The following PLCXD1 variants were observed in gnomAD, a reference collection of about 807,000 sequenced individuals.
The protein encoded by PLCXD1 is phosphatidylinositol specific phospholipase C X domain containing 1, also known as PI-PLC X domain-containing protein 1.
Under a neutral mutation model 37.8 loss-of-function variants are expected in PLCXD1, and 45 were observed. The ratio of observed to expected loss-of-function variants is 1.19; its 90% CI spans 0.94 to 1.53. The LOEUF (loss-of-function observed/expected upper bound fraction) is 1.53, where lower values mean the gene tolerates loss of function less well. Ranked by LOEUF, PLCXD1 falls within the 40% of genes most tolerant of loss-of-function variation. PLCXD1 has a pLI of 0.00. For synonymous variants in PLCXD1, 246 were observed against 206.9 expected, an observed-to-expected ratio of 1.19 and a Z score of -1.62; for missense variants, 539 against 454.7, an observed-to-expected ratio of 1.19 and a Z score of -1.69.
At chrX:296,456 T>C (rs2069811454) in intron 6 of PLCXD1, among the ~76,000 whole-genome samples, 1 of 152,142 alleles carries the variant, frequency 6.6e-6, no homozygotes, top group Non-Finnish European at 1.5e-5. Context: ...TGAGAGAACT[T>C]GGCCATAAAC....
chrX:288,618 T>C, intron 2 of PLCXD1, 115 bp from the exon 3 acceptor site: 1 of 1,119,386 alleles, frequency 8.9e-7, no homozygotes, highest in Admixed American at 1.7e-5. Context: ...GCCATACCTG[T>C]GCCTGTGCTG....
chrX:296,929 T>TCCCAC (rs2069832805), intron 6 of PLCXD1, among the ~76,000 whole-genome samples: 2 of 75,526 alleles, frequency 2.6e-5, no homozygotes, highest in African/African-American at 6.1e-5. Context: ...TTATTCTGTC[T>TCCCAC]ATCACATGGG....
At chrX:284,865 C>T (rs1239727280) in intron 2 of PLCXD1, among the ~76,000 whole-genome samples, 1 of 152,160 alleles carries the variant, frequency 6.6e-6, no homozygotes, top group African/African-American at 2.4e-5. Flanking sequence ...GCCAACAGAG[C>T]GTGTGCTGGA....
chrX:290,192 C>T (rs1041666369), intron 3 of PLCXD1, among the ~76,000 whole-genome samples: 15 of 152,094 alleles, frequency 9.9e-5, no homozygotes, highest in African/African-American at 3.4e-4. Flanking sequence ...CTTTGGGAGG[C>T]CAAGGTGGGT....
chrX:289,777 C>T (rs2069571177), intron 3 of PLCXD1, among the ~76,000 whole-genome samples: 1 of 151,896 alleles, frequency 6.6e-6, no homozygotes, highest in Non-Finnish European at 1.5e-5. Context: ...TCCCAAAGTG[C>T]TGGGATTACA....
In PLCXD1 at chrX:291,566, GA is replaced by G. The variant is rs777233750; in HGVS notation, c.464del (p.Asn155ThrfsTer5). 1 of 1,613,202 alleles carries G rather than the reference GA, an allele frequency of 6.2e-7. No individual in the cohort carries two copies. Among genetic ancestry groups the G allele is most frequent in the Non-Finnish European group, 8.5e-7 (1 of 1,179,862 alleles). ...CGCGAGGTGGTCATCCTGGCCTGCAGAAACTTCGAGGGGCTGAGCGAGGACC... is the reference window on the plus strand; with the variant it reads ...CGCGAGGTGGTCATCCTGGCCTGCAGAACTTCGAGGGGCTGAGCGAGGACC... ...HPREVVILAC[R>X]NFEGLSEDLH... On this transcript the variant is annotated frameshift_variant, in exon 5 of 7. Transcript: ENST00000381657. LOFTEE classifies it high-confidence loss of function.
intron 2 of PLCXD1, among the ~76,000 whole-genome samples, chrX:285,831 A>G (rs2069437907): frequency 6.6e-6 from 1 of 152,174 alleles, no homozygotes; most frequent in Non-Finnish European, 1.5e-5. Context: ...GGTTTCCTTG[A>G]GCCACATTTG....
chrX:292,599 C>T (rs1569564640), intron 5 of PLCXD1, among the ~76,000 whole-genome samples: 1 of 151,976 alleles, frequency 6.6e-6, no homozygotes, highest in Non-Finnish European at 1.5e-5. Flanking sequence ...TGAGCCCCTG[C>T]ACCTGGCCAT....
intron 6 of PLCXD1, among the ~76,000 whole-genome samples, chrX:293,961 A>G (rs900566869): frequency 9.8e-5 from 15 of 152,306 alleles, no homozygotes; most frequent in Middle Eastern, 3.4e-3. Flanking sequence ...TCGGAGTTGC[A>G]CAACGTGAAT....
intron 6 of PLCXD1, among the ~76,000 whole-genome samples, chrX:295,883 C>G (rs770625659): frequency 5.9e-5 from 9 of 151,900 alleles, no homozygotes; most frequent in Admixed American, 2.6e-4. Flanking sequence ...TCTTGTTGCC[C>G]AGGCTAGAGT....
rs201650548 is a variant in PLCXD1 at position 299,244 on chromosome X, G to A, written c.881G>A (p.Arg294Gln). The A allele has an allele frequency of 1.8e-4, 293 of 1,613,756 alleles. No individual in the cohort carries two copies. The highest frequency in any genetic ancestry group is 3.0e-4 in the South Asian group (27 of 91,072). Residue 294 changes from arginine to glutamine, a missense_variant, in exon 7 of 7, where the codon CGG becomes CAG. By Grantham distance (43) the Arg-to-Gln change is conservative. Coordinates refer to ENST00000381657, the MANE Select transcript of PLCXD1 (RefSeq NM_018390.4). ...VREQCPGPGSRCTNIIAGDFI... is the reference protein window; with the variant it reads ...VREQCPGPGSQCTNIIAGDFI... ...GAGCAGTGCCCGGGGCCGGGTTCACGGTGCACCAACATCATCGCGGGGGAC... is the reference window on the plus strand; with the variant it reads ...GAGCAGTGCCCGGGGCCGGGTTCACAGTGCACCAACATCATCGCGGGGGAC...
At position 285,485 on chromosome X, in the gene PLCXD1, C is replaced by T. The variant is rs1306374574; in HGVS notation, c.127+1171C>T. 4.6e-5 allele frequency among the ~76,000 whole-genome samples: 7 copies of T among 152,248 alleles called. No homozygotes were observed. The South Asian group carries it at 8.3e-4, about 18-fold the overall frequency. On this transcript the variant is annotated intron_variant, in intron 2 of 6. Coordinates refer to ENST00000381657, the MANE Select transcript of PLCXD1 (RefSeq NM_018390.4). ...ACACATAAACATTTGCACCTATGCA[C>T]GCAGAGACACGTCTATGCAATGCAT...
In PLCXD1 at chrX:299,261, G is replaced by A. The variant is rs751044678; in HGVS notation, c.898G>A (p.Ala300Thr). The change falls in exon 7 of 7, where the codon GCG becomes ACG. Residue 300 changes from alanine to threonine, a missense_variant. Coordinates refer to ENST00000381657, the MANE Select transcript of PLCXD1 (RefSeq NM_018390.4). ...GPGSRCTNII[A>T]GDFIGADGFV... Reference sequence around the variant, plus strand: ...GGGTTCACGGTGCACCAACATCATCGCGGGGGACTTCATCGGCGCAGACGG... The same window carrying A: ...GGGTTCACGGTGCACCAACATCATCACGGGGGACTTCATCGGCGCAGACGG... The A allele has an allele frequency of 1.9e-6, 3 of 1,613,898 alleles. No homozygotes were observed. Among genetic ancestry groups the A allele is most frequent in the African/African-American group, 2.7e-5 (2 of 75,042 alleles).
At chrX:292,386 G>T (rs376170796) in intron 5 of PLCXD1, among the ~76,000 whole-genome samples, 2 of 152,166 alleles carry the variant, frequency 1.3e-5, no homozygotes, top group Admixed American at 6.5e-5. Context: ...GTGAACCCGG[G>T]GGGTGGAGGT....
In PLCXD1 at chrX:284,234, G is replaced by A. The variant is rs369076706; in HGVS notation, c.47G>A (p.Cys16Tyr). 6 of 1,613,448 alleles carry A rather than the reference G, an allele frequency of 3.7e-6. No individual in the cohort carries two copies. The East Asian group carries it at 6.7e-5, about 18-fold the overall frequency. ...SASNSFSRLH[C>Y]RNANEDWMSA... ...TCCAACAGCTTCTCGAGGCTGCACTGCAGAAATGCCAACGAGGACTGGATG... is the reference window on the plus strand; with the variant it reads ...TCCAACAGCTTCTCGAGGCTGCACTACAGAAATGCCAACGAGGACTGGATG... Residue 16 changes from cysteine (C) to tyrosine (Y), a missense_variant, in exon 2 of 7, where the codon TGC (cysteine) becomes TAC (tyrosine). Transcript: ENST00000381657.
chrX:290,949 G>A (rs757795148), intron 4 of PLCXD1, among the ~76,000 whole-genome samples, 173 bp downstream of exon 4: 10 of 109,288 alleles, frequency 9.2e-5, no homozygotes, highest in African/African-American at 3.2e-4. Flanking sequence ...GGAGGCGGCC[G>A]GGCGCTGGTG....
Position 299,117 on chromosome X carries a change from A to G in PLCXD1, c.754A>G (p.Ile252Val), listed in dbSNP as rs1254020249. ...TGCAGGAGGGTTGTTCGTGGCCGGC[A>G]TCAACCTCACGGAGAACCTGCAGTA... ...GRPGGLFVAG[I>V]NLTENLQYVL... is the part of the protein sequence containing the mutation. The change falls in exon 7 of 7, where the codon ATC (isoleucine) becomes GTC (valine). Residue 252 changes from isoleucine (I) to valine (V), a missense_variant. Coordinates refer to ENST00000381657, the MANE Select transcript of PLCXD1 (RefSeq NM_018390.4). 5 of 1,613,720 alleles carry G rather than the reference A, an allele frequency of 3.1e-6. No individual in the cohort carries two copies. The Admixed American group carries it at 5.0e-5, about 16-fold the overall frequency.
At chrX:296,451 G>C (rs2069811307) in intron 6 of PLCXD1, among the ~76,000 whole-genome samples, 1 of 152,190 alleles carries the variant, frequency 6.6e-6, no homozygotes, top group African/African-American at 2.4e-5. Context: ...ACCACTGAGA[G>C]AACTTGGCCA....
At chrX:296,619 A>G (rs893256409) in intron 6 of PLCXD1, among the ~76,000 whole-genome samples, 1 of 152,144 alleles carries the variant, frequency 6.6e-6, no homozygotes. Flanking sequence ...TTGCATTTCT[A>G]ACTATTGCAG....
Sources: allele counts gnomAD v4.1 joint callset (sites outside exome capture counted in the v4.1 genomes callset), GRCh38; gene constraint gnomAD v4.1.1; transcripts MANE v1.5; gene names NCBI Gene and HGNC (gene_info 2026-07-23, HGNC 2026-07-21).